Variants in ARHGEF3 observed in about 807,000 individuals in gnomAD.
ARHGEF3 encodes 59.8 kDA protein.
A neutral mutation model predicts 63.2 loss-of-function variants in ARHGEF3; 28 were observed. That is an observed-to-expected ratio of 0.44 (90% CI 0.33 to 0.61). ARHGEF3 has a LOEUF of 0.61. Ranked by LOEUF, ARHGEF3 falls within the 20% of genes least tolerant of loss-of-function variation. ARHGEF3 has a pLI of 0.03. For missense variants in ARHGEF3, 533 were observed against 659.3 expected, an observed-to-expected ratio of 0.81 and a Z score of 2.10; for synonymous variants, 266 against 254.2, an observed-to-expected ratio of 1.05 and a Z score of -0.44.
At chr3:57,039,744 T>C (rs949149920) in intron 1 of ARHGEF3, among the ~76,000 whole-genome samples, 4 of 152,202 alleles carry the variant, frequency 2.6e-5, no homozygotes, top group African/African-American at 4.8e-5. Context: ...TTCAAATCTC[T>C]GTCTTCTCTT....
intron 4 of ARHGEF3, among the ~76,000 whole-genome samples, chr3:56,846,455 A>G (rs938758427): frequency 6.6e-6 from 1 of 152,206 alleles, no homozygotes; most frequent in Non-Finnish European, 1.5e-5. Flanking sequence ...GAGAACTTCC[A>G]GGACTGGGTG....
intron 4 of ARHGEF3, among the ~76,000 whole-genome samples, chr3:56,847,162 T>G (rs1464728739): frequency 5.9e-5 from 9 of 152,148 alleles, no homozygotes; most frequent in Admixed American, 5.9e-4. Context: ...TCCCTACATT[T>G]TCACCAAATC....
At chr3:56,734,967 G>C (rs1379838304) in intron 8 of ARHGEF3, among the ~76,000 whole-genome samples, 1 of 152,068 alleles carries the variant, frequency 6.6e-6, no homozygotes, top group Non-Finnish European at 1.5e-5. Flanking sequence ...AAGGTGGGCT[G>C]AGATTGTCTG....
chr3:56,992,387 A>AC lies in ARHGEF3; in HGVS notation c.63-33499_63-33498insG, dbSNP rs1262202009. 1.1e-4 allele frequency among the ~76,000 whole-genome samples: 11 copies of AC among 103,386 alleles called. 1 individual carries two copies. The highest frequency in any genetic ancestry group is 3.2e-4 in the African/African-American group (6 of 18,888). The allele number at this position is 103,386 out of a possible 152,430, so 67.8% of individuals were successfully genotyped here. On this transcript the variant is annotated intron_variant, in intron 2 of 12. Coordinates refer to the ARHGEF3 transcript ENST00000338458. Reference sequence around the variant, plus strand: ...GGGAGGATGGCTTTAAAAAAAAAAAAAAAAAAAAAAAAAAAAAAAAAAAAA... The same window carrying AC: ...GGGAGGATGGCTTTAAAAAAAAAAAACAAAAAAAAAAAAAAAAAAAAAAAAA...
At chr3:57,000,310 C>CCACACACA (rs71076009) in intron 2 of ARHGEF3, among the ~76,000 whole-genome samples, 4,454 of 139,134 alleles carry the variant, frequency 0.032, 147 homozygotes, top group African/African-American at 0.078. Context: ...AGGGTAACTC[C>CCACACACA]CACACACACA....
At chr3:56,884,079 T>C (rs907234126) in intron 3 of ARHGEF3, among the ~76,000 whole-genome samples, 1 of 152,210 alleles carries the variant, frequency 6.6e-6, no homozygotes, top group African/African-American at 2.4e-5. Flanking sequence ...AGGCCTATTA[T>C]GATGAACTAT....
intron 3 of ARHGEF3, among the ~76,000 whole-genome samples, chr3:56,937,271 CTT>C (rs922914040): frequency 2.6e-5 from 4 of 152,096 alleles, no homozygotes; most frequent in Admixed American, 2.6e-4. Flanking sequence ...TTATTGATAA[CTT>C]AGGTTTGATG....
intron 3 of ARHGEF3, among the ~76,000 whole-genome samples, chr3:56,904,446 T>C (rs982791596): frequency 6.6e-6 from 1 of 152,216 alleles, no homozygotes; most frequent in Non-Finnish European, 1.5e-5. Flanking sequence ...ATTACAGGCG[T>C]GAGCCACCAG....
At chr3:56,736,429 C>T (rs2033630055) in intron 8 of ARHGEF3, among the ~76,000 whole-genome samples, 1 of 152,038 alleles carries the variant, frequency 6.6e-6, no homozygotes, top group South Asian at 2.1e-4. Flanking sequence ...AATATGCAAC[C>T]AATAGAAGAT....
At chr3:56,902,431 C>T (rs761021071) in intron 3 of ARHGEF3, among the ~76,000 whole-genome samples, 2 of 152,158 alleles carry the variant, frequency 1.3e-5, no homozygotes, top group Admixed American at 6.5e-5. Flanking sequence ...AGCTTTGCAG[C>T]TCACAGTGGG....
intron 4 of ARHGEF3, among the ~76,000 whole-genome samples, chr3:56,858,419 A>T (rs1188804408): frequency 6.6e-6 from 1 of 152,216 alleles, no homozygotes; most frequent in Admixed American, 6.5e-5. Context: ...GCTACCACAG[A>T]AAGTTCAAGA....
chr3:56,800,713 A>AGTG (rs1364224189), intron 1 of ARHGEF3, among the ~76,000 whole-genome samples: 1 of 152,166 alleles, frequency 6.6e-6, no homozygotes, highest in Admixed American at 6.5e-5. Flanking sequence ...GCCTTTCCCC[A>AGTG]GTGGTGGTGG....
At chr3:56,784,331 G>A (rs2036695554) in intron 1 of ARHGEF3, among the ~76,000 whole-genome samples, 1 of 152,186 alleles carries the variant, frequency 6.6e-6, no homozygotes, top group Non-Finnish European at 1.5e-5. Context: ...GAAATAACGT[G>A]CCTATAATGC....
At chr3:57,048,725 A>G (rs1704560974) in intron 1 of ARHGEF3, among the ~76,000 whole-genome samples, 1 of 152,180 alleles carries the variant, frequency 6.6e-6, no homozygotes. Flanking sequence ...AGCTATCATA[A>G]ACCTACTTGA....
chr3:56,811,285 G>C (rs1019464316), intron 4 of ARHGEF3, among the ~76,000 whole-genome samples: 1 of 146,586 alleles, frequency 6.8e-6, no homozygotes, highest in Non-Finnish European at 1.5e-5. Context: ...CAGCATTTAC[G>C]TTTTTAAAAA....
intron 4 of ARHGEF3, among the ~76,000 whole-genome samples, chr3:56,834,236 A>G (rs2039028890): frequency 6.6e-6 from 1 of 152,174 alleles, no homozygotes; most frequent in African/African-American, 2.4e-5. Context: ...AGCTATACAC[A>G]TTAAAATAGT....
intron 2 of ARHGEF3, among the ~76,000 whole-genome samples, chr3:57,002,510 A>ATGTTATATATG (rs1560123114): frequency 2.1e-5 from 2 of 96,988 alleles, no homozygotes; most frequent in African/African-American, 7.6e-5. Flanking sequence ...ATATATATAT[A>ATGTTATATATG]TATGTTATAT....
chr3:56,732,071 A>C (rs1016943173), intron 9 of ARHGEF3, 167 bp downstream of exon 9: 2 of 777,528 alleles, frequency 2.6e-6, no homozygotes, highest in Admixed American at 5.4e-5. Context: ...TGAGAAACTG[A>C]GAATCACAGG....
upstream of ARHGEF3, among the ~76,000 whole-genome samples, chr3:56,803,575 C>G (rs1049535227): frequency 6.6e-6 from 1 of 152,170 alleles, no homozygotes; most frequent in Admixed American, 6.5e-5. Context: ...GCCAAGGCAG[C>G]AGTGTGGCTT....
Sources: gnomAD v4.1 joint callset for allele counts (sites outside exome capture counted in the v4.1 genomes callset) on GRCh38, gnomAD v4.1.1 for gene constraint, MANE v1.5 for transcripts, NCBI Gene and HGNC (gene_info 2026-07-23, HGNC 2026-07-21) for gene names.